Variants in SPHKAP observed in about 807,000 individuals in gnomAD.
SPHKAP encodes SPHK1 interactor, AKAP domain containing.
A neutral mutation model predicts 137.5 loss-of-function variants in SPHKAP; 67 were observed. That is an observed-to-expected ratio of 0.49 (90% CI 0.40 to 0.60). The LOEUF (loss-of-function observed/expected upper bound fraction) is 0.60. Among genes scored for constraint, SPHKAP ranks in the 20% least tolerant of loss-of-function variants. The probability of loss-of-function intolerance (pLI) is 0.00; values close to 1 mark genes in which losing one functional copy is unlikely to be tolerated. For synonymous variants in SPHKAP, 813 were observed against 785.3 expected, an observed-to-expected ratio of 1.04 and a Z score of -0.59; for missense variants, 2,097 against 2,069.3, an observed-to-expected ratio of 1.01 and a Z score of -0.26.
chr2:228,177,981 C>G (rs934210401), intron 1 of SPHKAP, among the ~76,000 whole-genome samples: 5 of 152,266 alleles, frequency 3.3e-5, no homozygotes, highest in South Asian at 2.1e-4. Flanking sequence ...ACAGGGAACT[C>G]TCTTAACATT....
At chr2:228,167,863 A>G (rs987659754) in intron 1 of SPHKAP, among the ~76,000 whole-genome samples, 1 of 152,136 alleles carries the variant, frequency 6.6e-6, no homozygotes, top group Non-Finnish European at 1.5e-5. Context: ...AAATATTTTA[A>G]AGTTTCTACT....
chr2:228,167,421 C>T (rs11674594), intron 1 of SPHKAP, among the ~76,000 whole-genome samples: 2 of 151,972 alleles, frequency 1.3e-5, no homozygotes, highest in African/African-American at 4.8e-5. Flanking sequence ...TATATTGAAG[C>T]ACTGTTGATT....
chr2:228,018,055 T>C lies in SPHKAP; in HGVS notation c.2799A>G (p.Leu933=). Residue 933 remains leucine (L), a synonymous_variant, in exon 7 of 12, where the codon TTA becomes TTG. Transcript: ENST00000392056. ...IYCITDFAEE[L]ADTVVSMATE... is the part of the protein sequence containing the mutation. ...TTGCCATGGAGACGACCGTGTCTGC[T>C]AATTCTTCCGCAAAGTCTGTAATGC... is the stretch of plus-strand genomic sequence containing the variant. 2 of 1,614,218 alleles carry C rather than the reference T, an allele frequency of 1.2e-6. No individual in the cohort carries two copies. The highest frequency in any genetic ancestry group is 2.2e-5 in the East Asian group (1 of 44,864).
At chr2:228,109,492 A>G (rs1698448816) in intron 2 of SPHKAP, 1 of 508,578 alleles carries the variant, frequency 2.0e-6, no homozygotes, top group Non-Finnish European at 2.5e-6. Flanking sequence ...ACCATTTGCC[A>G]TTTAGAAATA....
At chr2:228,001,831 T>C (rs1039057117) in intron 7 of SPHKAP, among the ~76,000 whole-genome samples, 1 of 152,032 alleles carries the variant, frequency 6.6e-6, no homozygotes, top group Non-Finnish European at 1.5e-5. Flanking sequence ...TTGGTTTTTT[T>C]TCCTTGCAAT....
chr2:227,994,462 G>A (rs1693545235), intron 8 of SPHKAP, among the ~76,000 whole-genome samples: 3 of 152,160 alleles, frequency 2.0e-5, no homozygotes, highest in African/African-American at 7.2e-5. Flanking sequence ...TTCCAGTGAT[G>A]TCTCTTTCAA....
At chr2:228,146,324 G>A (rs1699775207) in intron 1 of SPHKAP, among the ~76,000 whole-genome samples, 6 of 152,096 alleles carry the variant, frequency 3.9e-5, no homozygotes, top group Admixed American at 3.9e-4. Context: ...CTATAGGTTT[G>A]GAAAAGTGAC....
intron 5 of SPHKAP, among the ~76,000 whole-genome samples, chr2:228,024,342 G>GGTT (rs1694949790): frequency 8.0e-6 from 1 of 124,522 alleles, no homozygotes; most frequent in Non-Finnish European, 1.7e-5. Context: ...TGCAGAGGCA[G>GGTT]TTTTTTTTTT....
chr2:228,127,577 CT>C (rs1221271097), intron 2 of SPHKAP, among the ~76,000 whole-genome samples: 1 of 152,166 alleles, frequency 6.6e-6, no homozygotes, highest in African/African-American at 2.4e-5. Context: ...GTACTGACTT[CT>C]TCACTAATTT....
At chr2:228,072,769 A>T (rs1322522445) in intron 3 of SPHKAP, among the ~76,000 whole-genome samples, 1 of 152,206 alleles carries the variant, frequency 6.6e-6, no homozygotes, top group African/African-American at 2.4e-5. Context: ...AGACAGAGAG[A>T]GATGCCTAGG....
At chr2:228,109,896 T>C (rs1028654521) in intron 2 of SPHKAP, among the ~76,000 whole-genome samples, 5 of 135,554 alleles carry the variant, frequency 3.7e-5, no homozygotes, top group African/African-American at 1.4e-4. Context: ...AAGTGGAGGT[T>C]GCAGTGAGCT....
intron 1 of SPHKAP, among the ~76,000 whole-genome samples, chr2:228,180,546 T>C (rs757675312): frequency 2.0e-4 from 30 of 152,106 alleles, no homozygotes; most frequent in Non-Finnish European, 3.5e-4. Flanking sequence ...CCTACCTGCT[T>C]GGGGAAAAGA....
chr2:228,016,318 C>T, intron 7 of SPHKAP, 88 bp downstream of exon 7: 1 of 1,459,518 alleles, frequency 6.9e-7, no homozygotes, highest in Non-Finnish European at 9.0e-7. Flanking sequence ...CCAATCAAAT[C>T]CTTTATGTCT....
At chr2:228,030,513 C>CAAAAAAAAAAAAAAAAAAACAAAAAAA (rs1695255023) in intron 3 of SPHKAP, among the ~76,000 whole-genome samples, 1 of 48,774 alleles carries the variant, frequency 2.1e-5, no homozygotes, top group Non-Finnish European at 4.0e-5. Context: ...GATACCATCT[C>CAAAAAAAAAAAAAAAAAAACAAAAAAA]AAAAAAAAAA....
chr2:228,011,158 T>C (rs1694349377), intron 7 of SPHKAP, among the ~76,000 whole-genome samples: 1 of 152,048 alleles, frequency 6.6e-6, no homozygotes, highest in African/African-American at 2.4e-5. Context: ...TGCATTAGGG[T>C]AAGCTGTGGT....
intron 3 of SPHKAP, among the ~76,000 whole-genome samples, chr2:228,075,222 G>A (rs919032060): frequency 2.6e-5 from 4 of 152,142 alleles, no homozygotes; most frequent in Non-Finnish European, 5.9e-5. Flanking sequence ...TTTCTGTTGT[G>A]CCACAAATGT....
At chr2:228,063,633 T>C (rs1288844561) in intron 3 of SPHKAP, among the ~76,000 whole-genome samples, 1 of 152,190 alleles carries the variant, frequency 6.6e-6, no homozygotes, top group African/African-American at 2.4e-5. Context: ...ATAACTTTCA[T>C]CAAGATGATA....
intron 11 of SPHKAP, among the ~76,000 whole-genome samples, chr2:227,990,407 T>C (rs987025086): frequency 5.3e-5 from 8 of 152,216 alleles, no homozygotes; most frequent in Non-Finnish European, 1.0e-4. Context: ...GACAGATTCA[T>C]GCCTTACTCT....
At chr2:227,985,306 C>T (rs554081173) in intron 11 of SPHKAP, among the ~76,000 whole-genome samples, 1 of 152,138 alleles carries the variant, frequency 6.6e-6, no homozygotes, top group East Asian at 1.9e-4. Flanking sequence ...GATATTGAGA[C>T]CTGGAAACAT....
Sources: allele counts gnomAD v4.1 joint callset (sites outside exome capture counted in the v4.1 genomes callset), GRCh38; gene constraint gnomAD v4.1.1; transcripts MANE v1.5; gene names NCBI Gene and HGNC (gene_info 2026-07-23, HGNC 2026-07-21).